UNC79: variants seen among roughly 807,000 people sequenced by gnomAD.
The protein encoded by UNC79 is unc-79 subunit of NALCN channel complex, also known as protein unc-79 homolog.
Under a neutral mutation model 283.1 loss-of-function variants are expected in UNC79, and 37 were observed. That is an observed-to-expected ratio of 0.13 (90% CI 0.10 to 0.17). UNC79 has a LOEUF of 0.17. Ranked by LOEUF, UNC79 falls within the 10% of genes least tolerant of loss-of-function variation. The pLI, the probability that UNC79 is intolerant of heterozygous loss-of-function variation, is 1.00. For synonymous variants in UNC79, 1,107 were observed against 1,200.2 expected (o/e 0.92, Z 1.61); for missense variants, 2,272 against 3,211.1 (o/e 0.71, Z 7.07).
rs576462775 is a variant in UNC79, at chr14:93,640,877, C to T, written c.5801-268C>T. On this transcript the variant is annotated intron_variant, in intron 32 of 48. Transcript: ENST00000555664. ...CTTTCATCTTTGTCTTTGGACCCTG[C>T]TGGCACACCTGAGCTCTTTCTGATT... is the stretch of plus-strand genomic sequence containing the variant. Among the ~76,000 whole-genome samples the T allele has an allele frequency of 1.7e-4, 26 of 152,270 alleles. 1 individual carries two copies. The South Asian group carries it at 5.2e-3, about 30-fold the overall frequency.
chr14:93,600,738 T>G, exon 25 of UNC79: 1 of 1,613,764 alleles, frequency 6.2e-7, no homozygotes, highest in Non-Finnish European at 8.5e-7. Context: ...CAGCTACATT[T>G]GGATTGTAAC....
intron 1 of UNC79, among the ~76,000 whole-genome samples, chr14:93,344,726 G>A (rs1566880799): frequency 1.3e-5 from 2 of 152,216 alleles, no homozygotes; most frequent in African/African-American, 2.4e-5. Flanking sequence ...AATCACAGGT[G>A]CTCAAATTAT....
At chr14:93,605,343 G>A (rs2065805119) in intron 26 of UNC79, among the ~76,000 whole-genome samples, 1 of 152,074 alleles carries the variant, frequency 6.6e-6, no homozygotes, top group African/African-American at 2.4e-5. Flanking sequence ...CATTTTAAAA[G>A]GTTATACATT....
Position 93,572,596 on chromosome 14 carries a change from G to A in UNC79, c.1947-97G>A, listed in dbSNP as rs912743657. ...AATACAAACTAATCTAAAAGGCTTGGCTCTCCAAATAGGGAATAGTTAGAA... is the reference window on the plus strand; with the variant it reads ...AATACAAACTAATCTAAAAGGCTTGACTCTCCAAATAGGGAATAGTTAGAA... On this transcript the variant is annotated intron_variant, in intron 15 of 48. Coordinates refer to ENST00000555664, the Ensembl canonical transcript of UNC79. 7 of 1,533,918 alleles carry A rather than the reference G, an allele frequency of 4.6e-6. No homozygotes were observed. In the African/African-American group the frequency reaches 6.9e-5, roughly 15 times the overall value.
chr14:93,403,439 A>G (rs1218787435), intron 1 of UNC79, among the ~76,000 whole-genome samples: 1 of 152,234 alleles, frequency 6.6e-6, no homozygotes, highest in Non-Finnish European at 1.5e-5. Flanking sequence ...TCATTTAGGA[A>G]TAAAATGGGA....
chr14:93,424,305 A>T (rs543942435), intron 1 of UNC79, among the ~76,000 whole-genome samples: 1 of 152,252 alleles, frequency 6.6e-6, no homozygotes, highest in Non-Finnish European at 1.5e-5. Flanking sequence ...GGACAGTTGG[A>T]GGTTCCTCAA....
rs542857804 is a variant in UNC79, at chr14:93,541,801, C to T, written c.1525-665C>T. Among the ~76,000 whole-genome samples, 3 of 152,062 alleles carry T rather than the reference C, an allele frequency of 2.0e-5. No homozygotes were observed. In the South Asian group the frequency reaches 6.3e-4, roughly 32 times the overall value. ...CGGGCAGATCACGAGGTCGGGAGATCGAGACCATCCTGGCTAACACAGTGA... is the reference window on the plus strand; with the variant it reads ...CGGGCAGATCACGAGGTCGGGAGATTGAGACCATCCTGGCTAACACAGTGA... On this transcript the variant is annotated intron_variant, in intron 13 of 48. Coordinates refer to ENST00000555664, the Ensembl canonical transcript of UNC79.
chr14:93,360,402 A>G (rs2054195140), intron 1 of UNC79, among the ~76,000 whole-genome samples: 1 of 152,246 alleles, frequency 6.6e-6, no homozygotes, highest in Non-Finnish European at 1.5e-5. Flanking sequence ...TGCAGAAGAC[A>G]GATGGATCTT....
At chr14:93,580,450 T>G (rs1452418818) in intron 19 of UNC79, 74 bp downstream of exon 19, 1 of 1,407,212 alleles carries the variant, frequency 7.1e-7, no homozygotes, top group Non-Finnish European at 9.7e-7. Context: ...TAATGGAGTC[T>G]TCCTCCAGCA....
chr14:93,530,525 T>C (rs1206914001), intron 10 of UNC79, among the ~76,000 whole-genome samples: 1 of 152,018 alleles, frequency 6.6e-6, no homozygotes. Flanking sequence ...TGTGGGAGGA[T>C]CATTTAAGCC....
chr14:93,704,583 T>C, intron 47 of UNC79, 42 bp from the exon 51 acceptor site: 7 of 1,608,348 alleles, frequency 4.4e-6, no homozygotes, highest in Non-Finnish European at 6.0e-6. Context: ...TGTGGGAGAA[T>C]AGAGGACACT....
chr14:93,402,821 C>T (rs1468376347), intron 1 of UNC79, among the ~76,000 whole-genome samples: 7 of 152,138 alleles, frequency 4.6e-5, no homozygotes, highest in Non-Finnish European at 1.0e-4. Context: ...GATATTTCTT[C>T]TCTGCTGTCT....
intron 1 of UNC79, among the ~76,000 whole-genome samples, chr14:93,358,123 A>G (rs865913481): frequency 6.6e-6 from 1 of 151,774 alleles, no homozygotes; most frequent in South Asian, 2.1e-4. Context: ...GTTGCTTAAT[A>G]TGATTAGACC....
chr14:93,383,478 A>G (rs2054706573), intron 1 of UNC79, among the ~76,000 whole-genome samples: 1 of 152,242 alleles, frequency 6.6e-6, no homozygotes, highest in African/African-American at 2.4e-5. Flanking sequence ...TATGAAAGGT[A>G]GGTTTACGCT....
At chr14:93,514,431 T>C (rs1195659677) in intron 7 of UNC79, among the ~76,000 whole-genome samples, 1 of 152,210 alleles carries the variant, frequency 6.6e-6, no homozygotes, top group Non-Finnish European at 1.5e-5. Context: ...AGCTCTTTGC[T>C]TTGGCTACAT....
At chr14:93,369,411 G>A (rs1189848691) in intron 1 of UNC79, among the ~76,000 whole-genome samples, 1 of 152,182 alleles carries the variant, frequency 6.6e-6, no homozygotes, top group Non-Finnish European at 1.5e-5. Flanking sequence ...CAAGTAAAAA[G>A]CTGAACTGAC....
chr14:93,396,416 A>G (rs1254786418), intron 1 of UNC79, among the ~76,000 whole-genome samples: 1 of 151,772 alleles, frequency 6.6e-6, no homozygotes, highest in African/African-American at 2.4e-5. Context: ...AGTATCTGGG[A>G]TTTCTTAGAG....
At chr14:93,393,782 A>AC (rs895830700) in intron 1 of UNC79, among the ~76,000 whole-genome samples, 5 of 151,972 alleles carry the variant, frequency 3.3e-5, no homozygotes, top group Non-Finnish European at 7.4e-5. Context: ...GATATTTCCC[A>AC]CCCCCCTAGA....
At chr14:93,502,664 G>A (rs956443802) in intron 7 of UNC79, among the ~76,000 whole-genome samples, 3 of 152,226 alleles carry the variant, frequency 2.0e-5, no homozygotes, top group African/African-American at 7.2e-5. Flanking sequence ...GTAAGGAACA[G>A]CAGCAGTTAT....
Sources: allele counts gnomAD v4.1 joint callset (sites outside exome capture counted in the v4.1 genomes callset), GRCh38; gene constraint gnomAD v4.1.1; transcripts MANE v1.5; gene names NCBI Gene and HGNC (gene_info 2026-07-23, HGNC 2026-07-21).